The following TRPS1 variants were observed in gnomAD, a reference collection of about 807,000 sequenced individuals.
The protein encoded by TRPS1 is zinc finger transcription factor Trps1.
A neutral mutation model predicts 101.2 loss-of-function variants in TRPS1; 6 were observed. The observed-to-expected ratio is 0.06, with a 90% CI of 0.03 to 0.12. The LOEUF is 0.12. Ranked by LOEUF, TRPS1 falls within the 10% of genes least tolerant of loss-of-function variation. The probability of loss-of-function intolerance (pLI) is 1.00; values close to 1 mark genes in which losing one functional copy is unlikely to be tolerated. For synonymous variants in TRPS1, 578 were observed against 589.8 expected (o/e 0.98, Z 0.29); for missense variants, 1,363 against 1,567.0 (o/e 0.87, Z 2.20).
At chr8:115,495,230 C>T (rs1218903975) in intron 5 of TRPS1, among the ~76,000 whole-genome samples, 1 of 152,108 alleles carries the variant, frequency 6.6e-6, no homozygotes, top group East Asian at 1.9e-4. Flanking sequence ...ATCTCTTCAT[C>T]CTCTTTAAAT....
chr8:115,498,413 CTCTATATATATATATATATATA>C (rs1479191636), intron 5 of TRPS1, among the ~76,000 whole-genome samples: 2 of 63,480 alleles, frequency 3.2e-5, no homozygotes, highest in Admixed American at 1.7e-4. Context: ...CTCTCTCTCT[CTCTATATATATATATATATATA>C]TATATATATA....
chr8:115,417,459 A>C (rs1176191768), intron 6 of TRPS1, among the ~76,000 whole-genome samples: 1 of 152,186 alleles, frequency 6.6e-6, no homozygotes, highest in East Asian at 1.9e-4. Context: ...GTAAAACGCC[A>C]AACGAAATGA....
chr8:115,530,748 C>A (rs887933457), intron 5 of TRPS1, among the ~76,000 whole-genome samples: 3 of 152,052 alleles, frequency 2.0e-5, no homozygotes, highest in Non-Finnish European at 4.4e-5. Context: ...TATTATGCAG[C>A]CATAAAAAAT....
At chr8:115,569,131 G>A (rs1817140990) in intron 5 of TRPS1, among the ~76,000 whole-genome samples, 1 of 152,064 alleles carries the variant, frequency 6.6e-6, no homozygotes, top group African/African-American at 2.4e-5. Flanking sequence ...CACTGTATGA[G>A]ACAAGATTAC....
intron 5 of TRPS1, among the ~76,000 whole-genome samples, chr8:115,575,905 T>C (rs1403738625): frequency 6.6e-6 from 1 of 152,154 alleles, no homozygotes; most frequent in African/African-American, 2.4e-5. Flanking sequence ...AGTCTATTCA[T>C]GGACTCATAA....
At position 115,432,334 on chromosome 8, in the gene TRPS1, C is replaced by T. The variant is rs552622594; in HGVS notation, c.2701-13882G>A. Among the ~76,000 whole-genome samples the T allele has an allele frequency of 2.0e-5, 3 of 151,862 alleles. No individual in the cohort carries two copies. The East Asian group carries it at 5.8e-4, about 29-fold the overall frequency. ...ACTCTTTGAAAGAAATGTAAGGTGG[C>T]TAGATTTTACATAGGCCATCCTCTT... On this transcript the variant is annotated intron_variant, in intron 5 of 6. Coordinates refer to ENST00000395715, the MANE Select transcript of TRPS1 (RefSeq NM_014112.5).
At chr8:115,567,455 C>A (rs2130385533) in intron 5 of TRPS1, among the ~76,000 whole-genome samples, 1 of 152,174 alleles carries the variant, frequency 6.6e-6, no homozygotes, top group Admixed American at 6.6e-5. Context: ...CTTGACACAG[C>A]AATTCCACTT....
At chr8:115,576,877 G>T (rs1475520413) in intron 5 of TRPS1, among the ~76,000 whole-genome samples, 11 of 152,142 alleles carry the variant, frequency 7.2e-5, no homozygotes, top group Non-Finnish European at 1.6e-4. Flanking sequence ...GACAGTATTA[G>T]CTGGATAATA....
At chr8:115,590,104 G>A (rs759297191) in intron 4 of TRPS1, among the ~76,000 whole-genome samples, 5 of 152,012 alleles carry the variant, frequency 3.3e-5, no homozygotes, top group Admixed American at 2.0e-4. Flanking sequence ...GCGACAGAGC[G>A]AGACGCCATC....
Position 115,446,382 on chromosome 8 carries a change from C to G in TRPS1, c.2701-27930G>C, listed in dbSNP as rs569075533. On this transcript the variant is annotated intron_variant, in intron 5 of 6. Coordinates refer to ENST00000395715, the MANE Select transcript of TRPS1 (RefSeq NM_014112.5). ...AACTGTTTCTTCCCCTGATCTCACA[C>G]TTTTCACCTGCACCAGCTGCTTCCA... Among the ~76,000 whole-genome samples, 4 of 150,864 alleles carry G rather than the reference C, an allele frequency of 2.7e-5. No homozygotes were observed. In the East Asian group the frequency reaches 5.9e-4, roughly 22 times the overall value.
At chr8:115,587,709 G>C (rs1817598309) in intron 4 of TRPS1, 105 bp from the exon 5 acceptor site, 2 of 1,575,732 alleles carry the variant, frequency 1.3e-6, no homozygotes, top group African/African-American at 1.3e-5. Context: ...ATGCAATATA[G>C]TAGGTAGAAA....
chr8:115,457,461 AGGGAATG>A (rs1000362860), intron 5 of TRPS1, among the ~76,000 whole-genome samples: 3 of 152,042 alleles, frequency 2.0e-5, no homozygotes, highest in Non-Finnish European at 2.9e-5. Flanking sequence ...TGAAGGGAGG[AGGGAATG>A]GGGAGTTATT....
At chr8:115,428,553 T>C (rs1813243762) in intron 5 of TRPS1, among the ~76,000 whole-genome samples, 1 of 152,220 alleles carries the variant, frequency 6.6e-6, no homozygotes. Flanking sequence ...CGGGAATACA[T>C]GAGTTAAATA....
chr8:115,514,690 C>A (rs1264166982), intron 5 of TRPS1, among the ~76,000 whole-genome samples: 1 of 151,470 alleles, frequency 6.6e-6, no homozygotes, highest in Non-Finnish European at 1.5e-5. Context: ...CTCATTCATA[C>A]AAATTACTTT....
chr8:115,459,346 A>AATG (rs1814108979), intron 5 of TRPS1, among the ~76,000 whole-genome samples: 1 of 151,828 alleles, frequency 6.6e-6, no homozygotes, highest in African/African-American at 2.4e-5. Context: ...TAATAATAAT[A>AATG]ATGATGTTAC....
chr8:115,418,234 A>G lies in TRPS1; in HGVS notation c.2823+96T>C. 1.2e-6 allele frequency: 2 copies of G among 1,602,730 alleles called. No individual in the cohort carries two copies. Among genetic ancestry groups the G allele is most frequent in the Non-Finnish European group, 8.5e-7 (1 of 1,170,996 alleles). ...TGTATTAAAACAACCCTGCGGGGGCAGGCACTGCAAGCCAGGGAATGGGAC... is the reference window on the plus strand; with the variant it reads ...TGTATTAAAACAACCCTGCGGGGGCGGGCACTGCAAGCCAGGGAATGGGAC... On this transcript the variant is annotated intron_variant, in intron 6 of 6. Transcript: ENST00000395715. The surrounding 1 kb of genome is among the most constrained non-coding windows in gnomAD (Gnocchi z 4.3).
In TRPS1 at chr8:115,587,841, C is replaced by T. The variant is rs921287886; in HGVS notation, c.2097-237G>A. Among the ~76,000 whole-genome samples the T allele has an allele frequency of 4.8e-4, 73 of 152,144 alleles. 1 individual carries two copies. The highest frequency in any genetic ancestry group is 1.6e-3 in the African/African-American group (65 of 41,440). On this transcript the variant is annotated intron_variant, in intron 4 of 6. Coordinates refer to ENST00000395715, the MANE Select transcript of TRPS1 (RefSeq NM_014112.5). ...GTAATAGGTATAACACAGACACACA[C>T]ACACACACACACACGCATCGTGCAC...
intron 3 of TRPS1, among the ~76,000 whole-genome samples, chr8:115,607,616 A>G (rs1373943439): frequency 6.6e-6 from 1 of 151,962 alleles, no homozygotes; most frequent in Non-Finnish European, 1.5e-5. Flanking sequence ...ACACTTCTAT[A>G]GGTCACATAT....
intron 5 of TRPS1, among the ~76,000 whole-genome samples, chr8:115,434,787 C>T (rs971263547): frequency 1.3e-5 from 2 of 152,138 alleles, no homozygotes; most frequent in Non-Finnish European, 2.9e-5. Context: ...TGCTTATAAC[C>T]TGTCGAAATG....
Sources: allele counts gnomAD v4.1 joint callset (sites outside exome capture counted in the v4.1 genomes callset), GRCh38; gene constraint gnomAD v4.1.1; non-coding constraint Gnocchi (gnomAD v3.1); transcripts MANE v1.5; gene names NCBI Gene and HGNC (gene_info 2026-07-23, HGNC 2026-07-21).